The following ELOA variants were observed in gnomAD, a reference collection of about 807,000 sequenced individuals.
ELOA encodes elongin-A.
A neutral mutation model predicts 85.2 loss-of-function variants in ELOA; 15 were observed. That is an observed-to-expected ratio of 0.18 (90% CI 0.12 to 0.27). The LOEUF is 0.27. Among genes scored for constraint, ELOA ranks in the 10% least tolerant of loss-of-function variants. ELOA has a pLI of 1.00. For synonymous variants in ELOA, 348 were observed against 357.2 expected (o/e 0.97, Z 0.29); for missense variants, 769 against 952.7 (o/e 0.81, Z 2.54).
At chr1:23,756,601 A>G (rs2148388303) in intron 9 of ELOA, among the ~76,000 whole-genome samples, 1 of 152,308 alleles carries the variant, frequency 6.6e-6, no homozygotes, top group Non-Finnish European at 1.5e-5. Flanking sequence ...AGGGTAGTCA[A>G]GATTAAATGG....
intron 1 of ELOA, among the ~76,000 whole-genome samples, chr1:23,745,741 A>C (rs1252379661): frequency 6.6e-6 from 1 of 152,196 alleles, no homozygotes; most frequent in Admixed American, 6.5e-5. Flanking sequence ...ACAAGCTCCT[A>C]CAGGTTGTAT....
rs1361645435 is a variant in ELOA, at chr1:23,756,268, C to G, written c.1973-6C>G. The G allele has an allele frequency of 3.9e-6, 6 of 1,551,550 alleles. No individual in the cohort carries two copies. Among genetic ancestry groups the G allele is most frequent in the Non-Finnish European group, 5.2e-6 (6 of 1,148,260 alleles). ...AAGGCAGATGTTCATCTCCATAATT[C>G]CACAGGCCGACAAGCAAAGATGGCC... On this transcript the variant is annotated splice_polypyrimidine_tract_variant and splice_region_variant and intron_variant, in intron 8 of 10. Coordinates refer to ENST00000613537, the MANE Select transcript of ELOA (RefSeq NM_003198.3).
rs1009837079 is a variant in ELOA at position 23,756,838 on chromosome 1, A to T, written c.2085-115A>T. 5.5e-6 allele frequency: 6 copies of T among 1,088,446 alleles called. No individual in the cohort carries two copies. The African/African-American group carries it at 9.8e-5, about 18-fold the overall frequency. 67.4% of individuals were successfully genotyped at this position (1,088,446 alleles called of 1,614,324 possible). On this transcript the variant is annotated intron_variant, in intron 9 of 10. Transcript: ENST00000613537. ...ACCAGAATCCAGGGTGATAGGGTCC[A>T]TTGGTCAAAGCCACAAACAGGGTGA...
chr1:23,747,507 A>C (rs1459136339), intron 1 of ELOA, among the ~76,000 whole-genome samples: 1 of 152,216 alleles, frequency 6.6e-6, no homozygotes, highest in Non-Finnish European at 1.5e-5. Context: ...TGGTATGTGA[A>C]TATTCCCAAC....
chr1:23,751,288 G>A lies in ELOA; in HGVS notation c.683G>A (p.Arg228Gln), dbSNP rs996167623. ...GACAGACTCGGGGCCAGCCAAGAACGACACCTGGGTGAACCCCATGGGAAA... is the reference window on the plus strand; with the variant it reads ...GACAGACTCGGGGCCAGCCAAGAACAACACCTGGGTGAACCCCATGGGAAA... ...FQDRLGASQE[R>Q]HLGEPHGKGV... Residue 228 changes from arginine to glutamine, a missense_variant, in exon 4 of 11, where the codon CGA becomes CAA. By Grantham distance (43) the Arg-to-Gln change is conservative. Around this residue, in one of 4 missense-constraint regions of ELOA, gnomAD observed 440 missense variants for 474.0 expected, o/e 0.93. Coordinates refer to ENST00000613537, the MANE Select transcript of ELOA (RefSeq NM_003198.3). 4 of 1,614,060 alleles carry A rather than the reference G, an allele frequency of 2.5e-6. No individual in the cohort carries two copies. The highest frequency in any genetic ancestry group is 3.4e-6 in the Non-Finnish European group (4 of 1,180,052).
chr1:23,754,480 G>T lies in ELOA; in HGVS notation c.1791+20G>T. On this transcript the variant is annotated intron_variant, in intron 7 of 10. Transcript: ENST00000613537. Reference sequence around the variant, plus strand: ...AATCATGTGAGTATTCTGTTTGGGTGGGAAGAGGGCAGTTTTCTGGCTTGT... The same window carrying T: ...AATCATGTGAGTATTCTGTTTGGGTTGGAAGAGGGCAGTTTTCTGGCTTGT... 6.2e-7 allele frequency: 1 copy of T among 1,604,146 alleles called. No homozygotes were observed. Among genetic ancestry groups the T allele is most frequent in the South Asian group, 1.1e-5 (1 of 90,750 alleles).
intron 1 of ELOA, among the ~76,000 whole-genome samples, chr1:23,744,547 G>A (rs915787482): frequency 1.3e-3 from 200 of 151,174 alleles, no homozygotes; most frequent in African/African-American, 4.7e-3. Flanking sequence ...TCCGTCTCCC[G>A]GGTTCAGGCA....
rs552843966 is a variant in ELOA, at chr1:23,751,423, A to G, written c.818A>G (p.Lys273Arg). 1.2e-6 allele frequency: 2 copies of G among 1,614,028 alleles called. No individual in the cohort carries two copies. Among genetic ancestry groups the G allele is most frequent in the Non-Finnish European group, 1.7e-6 (2 of 1,180,044 alleles). The change falls in exon 4 of 11, where the codon AAG (lysine) becomes AGG (arginine). Residue 273 changes from lysine to arginine, a missense_variant. Lys to Arg is a conservative substitution (Grantham distance 26). This residue lies in a region of ELOA where 440 missense variants were observed against 474.0 expected (regional missense o/e 0.93). Transcript: ENST00000613537. ...ASVVSREKSH[K>R]ALSKEENRRP... is the part of the protein sequence containing the mutation. ...GTGGTGAGCAGAGAGAAATCACACA[A>G]GGCCCTCTCCAAAGAGGAGAACCGA...
chr1:23,753,445 C>T (rs193287730), intron 5 of ELOA, among the ~76,000 whole-genome samples: 4 of 151,884 alleles, frequency 2.6e-5, no homozygotes, highest in East Asian at 3.9e-4. Context: ...TATTAGCAGC[C>T]CTTTATCCTA....
chr1:23,746,093 AGCCTG>A (rs554376078), intron 1 of ELOA, among the ~76,000 whole-genome samples: 5 of 152,238 alleles, frequency 3.3e-5, no homozygotes, highest in Middle Eastern at 3.4e-3. Flanking sequence ...GTTCGAGACC[AGCCTG>A]GCCAACATGG....
chr1:23,755,469 T>C (rs1052504015), intron 7 of ELOA, among the ~76,000 whole-genome samples: 14 of 152,062 alleles, frequency 9.2e-5, no homozygotes, highest in Non-Finnish European at 1.9e-4. Context: ...TGGTCACTCC[T>C]AGGTAATTAA....
At chr1:23,759,431 G>C (rs1638260631) in intron 10 of ELOA, 81 bp from the exon 11 acceptor site, 1 of 1,396,202 alleles carries the variant, frequency 7.2e-7, no homozygotes, top group Non-Finnish European at 1.0e-6. Context: ...GAATAGCAGA[G>C]CTGGCTTTGA....
chr1:23,756,738 T>C (rs1489245019), intron 9 of ELOA, among the ~76,000 whole-genome samples: 1 of 152,236 alleles, frequency 6.6e-6, no homozygotes, highest in Non-Finnish European at 1.5e-5. Flanking sequence ...AATACAGATT[T>C]ATACCAAAAC....
chr1:23,748,794 TAA>T (rs1372884487), intron 1 of ELOA, among the ~76,000 whole-genome samples: 1 of 152,182 alleles, frequency 6.6e-6, no homozygotes, highest in African/African-American at 2.4e-5. Flanking sequence ...GCAGGGAATC[TAA>T]AGCCACAGAC....
At chr1:23,749,201 T>C (rs905199367) in intron 2 of ELOA, 124 bp downstream of exon 2, 1 of 802,626 alleles carries the variant, frequency 1.2e-6, no homozygotes, top group African/African-American at 1.7e-5. Context: ...CAAAAGGCCA[T>C]ATATTGTCTG....
intron 5 of ELOA, 140 bp from the exon 6 acceptor site, chr1:23,753,960 A>G (rs1167551783): frequency 1.9e-6 from 2 of 1,080,538 alleles, no homozygotes; most frequent in East Asian, 5.1e-5. Context: ...ACAGGAGCTT[A>G]TTTTTAAATT....
intron 1 of ELOA, among the ~76,000 whole-genome samples, chr1:23,745,152 C>T (rs1644740723): frequency 6.6e-6 from 1 of 152,156 alleles, no homozygotes; most frequent in South Asian, 2.1e-4. Context: ...TTCATTGTGC[C>T]ATGTTTTCTG....
chr1:23,751,976 G>A lies in ELOA; in HGVS notation c.1371G>A (p.Val457=). 2 of 1,608,520 alleles carry A rather than the reference G, an allele frequency of 1.2e-6. No individual in the cohort carries two copies. The highest frequency in any genetic ancestry group is 1.1e-5 in the South Asian group (1 of 89,878). ...NLDSVQKLPK[V]NKTKSEKPAG... is the part of the protein sequence containing the mutation. The stretch of plus-strand genomic sequence containing the variant: ...ACTCAGTTCAGAAATTACCCAAGGT[G>A]AACAAAACCAAGTCAGAGAAGCCGG... Residue 457 remains valine, a synonymous_variant, in exon 4 of 11, where the codon GTG becomes GTA. Coordinates refer to ENST00000613537, the MANE Select transcript of ELOA (RefSeq NM_003198.3).
Position 23,749,824 on chromosome 1 carries a change from T to TA in ELOA, c.133-17dup, listed in dbSNP as rs1644760926. On this transcript the variant is annotated splice_polypyrimidine_tract_variant and intron_variant, in intron 2 of 10. Transcript: ENST00000613537. ...CCTAGTTCCAGACCCCTCTAACAAT[T>TA]ACTTTGTCAAATTTTAGGAGACTGG... The TA allele has an allele frequency of 6.2e-7, 1 of 1,611,958 alleles. No individual in the cohort carries two copies. Among genetic ancestry groups the TA allele is most frequent in the South Asian group, 1.1e-5 (1 of 90,952 alleles).
Sources: gnomAD v4.1 joint callset for allele counts (sites outside exome capture counted in the v4.1 genomes callset) on GRCh38, gnomAD v4.1.1 for gene constraint, gnomAD v4.1.1 regional missense constraint, MANE v1.5 for transcripts, NCBI Gene and HGNC (gene_info 2026-07-23, HGNC 2026-07-21) for gene names.